IL1RAPL1: variants seen among roughly 807,000 people sequenced by gnomAD.
The protein encoded by IL1RAPL1 is interleukin-1 receptor accessory protein-like 1.
In IL1RAPL1, 3 loss-of-function variants were observed where a neutral mutation model predicts 48.4. The ratio of observed to expected loss-of-function variants is 0.06; its 90% confidence interval spans 0.03 to 0.16. The LOEUF is 0.16. IL1RAPL1 is among the 10% of genes least tolerant of loss of function. The probability of loss-of-function intolerance (pLI) is 1.00; values close to 1 mark genes in which losing one functional copy is unlikely to be tolerated. For synonymous variants in IL1RAPL1, 185 were observed against 187.7 expected, an observed-to-expected ratio of 0.99 and a Z score of 0.12; for missense variants, 349 against 530.6, an observed-to-expected ratio of 0.66 and a Z score of 3.36.
intron 2 of IL1RAPL1, among the ~76,000 whole-genome samples, chrX:29,132,049 T>G (rs1024818894): frequency 9.0e-6 from 1 of 111,577 alleles, no homozygotes; most frequent in Non-Finnish European, 1.9e-5. Context: ...TATTATTCCT[T>G]GTAGTGTAAA....
At chrX:29,920,520 T>C (rs1160803041) in intron 8 of IL1RAPL1, among the ~76,000 whole-genome samples, 1 of 110,037 alleles carries the variant, frequency 9.1e-6, no homozygotes, top group East Asian at 2.8e-4. Flanking sequence ...AGGGGCCGGG[T>C]GCAGTGGCTC....
rs147512437 is a variant in IL1RAPL1 at position 29,573,902 on chromosome X, T to C, written c.704-94528T>C. ...AGATGTATCTAGGTTGGAAGAACCA[T>C]AAATACTTGAGAAGAAGTCACAGCT... On this transcript the variant is annotated intron_variant, in intron 5 of 10. Coordinates refer to ENST00000378993, the MANE Select transcript of IL1RAPL1 (RefSeq NM_014271.4). 1.5e-4 allele frequency among the ~76,000 whole-genome samples: 17 copies of C among 111,695 alleles called. No individual in the cohort carries two copies. In the East Asian group the frequency reaches 4.2e-3, roughly 28 times the overall value.
chrX:29,006,553 G>T (rs1040705161), intron 2 of IL1RAPL1, among the ~76,000 whole-genome samples: 9 of 106,717 alleles, frequency 8.4e-5, no homozygotes, highest in African/African-American at 2.8e-4. Context: ...CTGTCAGAAA[G>T]CCCTCTTTAT....
intron 6 of IL1RAPL1, among the ~76,000 whole-genome samples, chrX:29,870,546 G>A (rs780497710): frequency 9.0e-5 from 10 of 111,567 alleles, no homozygotes; most frequent in South Asian, 7.5e-4. Context: ...TTTTCCTTGC[G>A]TTCTGATTTT....
At chrX:29,492,029 A>G (rs1569323086) in intron 5 of IL1RAPL1, among the ~76,000 whole-genome samples, 1 of 112,415 alleles carries the variant, frequency 8.9e-6, no homozygotes, top group Non-Finnish European at 1.9e-5. Context: ...TACATTTGGA[A>G]TGACAAACAT....
intron 1 of IL1RAPL1, among the ~76,000 whole-genome samples, chrX:28,763,003 C>A (rs973947406): frequency 9.0e-6 from 1 of 111,404 alleles, no homozygotes; most frequent in African/African-American, 3.3e-5. Flanking sequence ...TGTCAGGGAA[C>A]ATTGACACAA....
intron 2 of IL1RAPL1, among the ~76,000 whole-genome samples, chrX:28,854,997 C>T (rs1921766722): frequency 1.8e-5 from 2 of 108,737 alleles, no homozygotes; most frequent in Non-Finnish European, 3.9e-5. Flanking sequence ...GCATATTTGA[C>T]ATGCACAGCA....
intron 2 of IL1RAPL1, among the ~76,000 whole-genome samples, chrX:28,925,283 C>G (rs748642614): frequency 9.0e-6 from 1 of 111,298 alleles, no homozygotes; most frequent in South Asian, 3.7e-4. Flanking sequence ...AATTCCCTAA[C>G]GAGAAGACAA....
intron 5 of IL1RAPL1, among the ~76,000 whole-genome samples, chrX:29,506,549 T>C (rs368610591): frequency 4.8e-4 from 53 of 109,349 alleles, no homozygotes; most frequent in African/African-American, 1.7e-3. Context: ...AGCACAGGTT[T>C]GCTTTGGTTC....
intron 1 of IL1RAPL1, among the ~76,000 whole-genome samples, chrX:28,642,490 C>G (rs1000484067): frequency 8.9e-6 from 1 of 112,033 alleles, no homozygotes; most frequent in African/African-American, 3.2e-5. Flanking sequence ...AATTAGAACT[C>G]AGGATTAAGA....
At chrX:28,641,651 T>C (rs1934543383) in intron 1 of IL1RAPL1, among the ~76,000 whole-genome samples, 1 of 111,632 alleles carries the variant, frequency 9.0e-6, no homozygotes. Context: ...CGCACTGTCT[T>C]CCTCATTGGT....
intron 2 of IL1RAPL1, among the ~76,000 whole-genome samples, chrX:28,822,175 C>G (rs1278429286): frequency 9.0e-6 from 1 of 111,465 alleles, no homozygotes; most frequent in African/African-American, 3.3e-5. Flanking sequence ...AGTACCTTGT[C>G]TGCAGTTTTT....
intron 6 of IL1RAPL1, among the ~76,000 whole-genome samples, chrX:29,741,328 G>A (rs902403845): frequency 1.2e-4 from 13 of 111,971 alleles, no homozygotes; most frequent in African/African-American, 3.9e-4. Flanking sequence ...ATTAAGGACA[G>A]ATCCAACTAG....
intron 1 of IL1RAPL1, among the ~76,000 whole-genome samples, chrX:28,771,958 A>C (rs1307772058): frequency 1.8e-5 from 2 of 109,228 alleles, no homozygotes; most frequent in African/African-American, 6.6e-5. Flanking sequence ...AAAAAAAAAA[A>C]AGAAAAAAGA....
At chrX:28,803,734 A>G (rs760750407) in intron 2 of IL1RAPL1, among the ~76,000 whole-genome samples, 1 of 111,847 alleles carries the variant, frequency 8.9e-6, no homozygotes, top group South Asian at 3.7e-4. Flanking sequence ...TATGCATGGA[A>G]CCTACTTCTT....
chrX:28,762,411 C>T (rs911092489), intron 1 of IL1RAPL1, among the ~76,000 whole-genome samples: 3 of 110,812 alleles, frequency 2.7e-5, no homozygotes, highest in African/African-American at 9.8e-5. Flanking sequence ...AAGGAAAAGA[C>T]AAAAGAAATG....
intron 5 of IL1RAPL1, among the ~76,000 whole-genome samples, chrX:29,577,465 C>T (rs1456077687): frequency 9.0e-6 from 1 of 111,619 alleles, no homozygotes; most frequent in Non-Finnish European, 1.9e-5. Context: ...CCCCAAACTC[C>T]CGTGATCCAA....
At chrX:28,795,790 C>G (rs749635917) in intron 2 of IL1RAPL1, among the ~76,000 whole-genome samples, 2 of 109,865 alleles carry the variant, frequency 1.8e-5, no homozygotes, top group Admixed American at 2.0e-4. Flanking sequence ...ATATATTGTT[C>G]TATGTATTTG....
intron 6 of IL1RAPL1, among the ~76,000 whole-genome samples, chrX:29,673,411 C>T (rs1309461715): frequency 9.0e-6 from 1 of 111,429 alleles, no homozygotes; most frequent in East Asian, 2.8e-4. Flanking sequence ...GCCAGATTTT[C>T]TCATCTACAT....
Sources: gnomAD v4.1 joint callset for allele counts (sites outside exome capture counted in the v4.1 genomes callset) on GRCh38, gnomAD v4.1.1 for gene constraint, MANE v1.5 for transcripts, NCBI Gene and HGNC (gene_info 2026-07-23, HGNC 2026-07-21) for gene names.